DLGAP1: variants seen among roughly 807,000 people sequenced by gnomAD.
The protein encoded by DLGAP1 is DLG associated protein 1, also known as disks large-associated protein 1.
In DLGAP1, 11 loss-of-function variants were observed where a neutral mutation model predicts 90.8. That is an observed-to-expected ratio of 0.12 (90% CI 0.08 to 0.20). The LOEUF (loss-of-function observed/expected upper bound fraction) is 0.20. Among genes scored for constraint, DLGAP1 ranks in the 10% least tolerant of loss-of-function variants. The pLI, the probability that DLGAP1 is intolerant of heterozygous loss-of-function variation, is 1.00. For missense variants in DLGAP1, 1,050 were observed against 1,333.8 expected (o/e 0.79, Z 3.31); for synonymous variants, 558 against 540.7 (o/e 1.03, Z -0.44).
intron 3 of DLGAP1, among the ~76,000 whole-genome samples, chr18:4,003,350 T>C (rs1459878058): frequency 6.6e-6 from 1 of 151,214 alleles, no homozygotes; most frequent in Non-Finnish European, 1.5e-5. Flanking sequence ...ATTTAAGGGA[T>C]AGGAGAAAAG....
chr18:3,552,522 T>C (rs904458640), intron 9 of DLGAP1, among the ~76,000 whole-genome samples: 6 of 152,154 alleles, frequency 3.9e-5, no homozygotes, highest in African/African-American at 1.4e-4. Flanking sequence ...CACACTGCCA[T>C]GTAGAGGGTT....
intron 5 of DLGAP1, among the ~76,000 whole-genome samples, chr18:3,780,525 T>TTC (rs34673922): frequency 0.42 from 55,992 of 132,228 alleles, 10,677 homozygotes; most frequent in African/African-American, 0.48. Flanking sequence ...TCTGTCCAGG[T>TTC]CCCCCTCCAA....
intron 1 of DLGAP1, among the ~76,000 whole-genome samples, chr18:4,380,410 A>G (rs2082091031): frequency 6.6e-6 from 1 of 152,182 alleles, no homozygotes; most frequent in Admixed American, 6.6e-5. Flanking sequence ...CTACCAATAA[A>G]TAAAAATGGA....
At chr18:3,997,636 C>T (rs1478462135) in intron 3 of DLGAP1, among the ~76,000 whole-genome samples, 1 of 151,496 alleles carries the variant, frequency 6.6e-6, no homozygotes, top group Non-Finnish European at 1.5e-5. Context: ...CAGCACCATA[C>T]AATAGAAATA....
At position 4,109,873 on chromosome 18, in the gene DLGAP1, GTTTT is replaced by G. The variant is rs1167570247; in HGVS notation, c.-159+41303_-159+41306del. Among the ~76,000 whole-genome samples the G allele has an allele frequency of 4.6e-5, 7 of 151,852 alleles. No homozygotes were observed. In the South Asian group the frequency reaches 1.5e-3, roughly 32 times the overall value. On this transcript the variant is annotated intron_variant, in intron 2 of 12. Transcript: ENST00000315677. ...TGGGTTCGATTTTCCTTTTCTAGGT[GTTTT>G]TTTGTTTGTTTGTTTATTTGTTTTT... is the stretch of plus-strand genomic sequence containing the variant.
intron 6 of DLGAP1, among the ~76,000 whole-genome samples, chr18:3,740,154 G>T (rs1201422022): frequency 6.6e-6 from 1 of 152,156 alleles, no homozygotes; most frequent in African/African-American, 2.4e-5. Context: ...TAAATCCACT[G>T]ATGTATTCTG....
At chr18:4,035,678 G>T (rs374104020) in intron 2 of DLGAP1, among the ~76,000 whole-genome samples, 2 of 152,058 alleles carry the variant, frequency 1.3e-5, no homozygotes, top group Admixed American at 6.5e-5. Context: ...TGCCACTTAC[G>T]CACTTAAAAA....
chr18:3,936,968 T>C (rs941098542), intron 3 of DLGAP1, among the ~76,000 whole-genome samples: 4 of 152,212 alleles, frequency 2.6e-5, no homozygotes, highest in Non-Finnish European at 5.9e-5. Context: ...CCATGCTCCT[T>C]GGCTCTTATT....
At chr18:4,180,320 T>C (rs1300067177) in intron 1 of DLGAP1, among the ~76,000 whole-genome samples, 2 of 152,198 alleles carry the variant, frequency 1.3e-5, no homozygotes, top group African/African-American at 2.4e-5. Context: ...CTAACTCATC[T>C]GGGTTTGTCT....
chr18:3,547,234 G>A (rs1194313627), intron 9 of DLGAP1, among the ~76,000 whole-genome samples: 2 of 148,848 alleles, frequency 1.3e-5, no homozygotes, highest in East Asian at 2.0e-4. Context: ...CCCCGGGGGC[G>A]GAGCCTGCAG....
At chr18:3,899,558 C>T (rs1421686030) in intron 3 of DLGAP1, among the ~76,000 whole-genome samples, 3 of 152,192 alleles carry the variant, frequency 2.0e-5, no homozygotes, top group Non-Finnish European at 2.9e-5. Context: ...ATTCAAAATT[C>T]GGGCTGCTAT....
intron 4 of DLGAP1, chr18:3,874,419 T>C (rs568167889): frequency 4.2e-6 from 6 of 1,439,916 alleles, no homozygotes; most frequent in Admixed American, 2.8e-5. Flanking sequence ...AGGTTAACAG[T>C]TGGAAATCTA....
intron 7 of DLGAP1, among the ~76,000 whole-genome samples, chr18:3,701,866 G>A: frequency 6.6e-6 from 1 of 152,192 alleles, no homozygotes; most frequent in East Asian, 1.9e-4. Context: ...AGAGTCAAGA[G>A]TGAGAAGAGT....
At chr18:3,578,336 T>C (rs935690838) in intron 8 of DLGAP1, among the ~76,000 whole-genome samples, 1 of 152,078 alleles carries the variant, frequency 6.6e-6, no homozygotes, top group Non-Finnish European at 1.5e-5. Flanking sequence ...TATAACGAAA[T>C]TCAATGAATA....
At chr18:3,534,669 C>T in intron 9 of DLGAP1, 54 bp from the exon 10 acceptor site, 1 of 1,350,024 alleles carries the variant, frequency 7.4e-7, no homozygotes, top group Non-Finnish European at 9.8e-7. Flanking sequence ...TTCTTTCCTT[C>T]CTTCCTTCCT....
intron 1 of DLGAP1, among the ~76,000 whole-genome samples, chr18:4,449,848 A>C (rs902126104): frequency 6.6e-6 from 1 of 152,114 alleles, no homozygotes; most frequent in Non-Finnish European, 1.5e-5. Context: ...TTCCAAGGAG[A>C]GGGGGAAAGA....
At chr18:3,889,133 A>C (rs1269634337) in intron 3 of DLGAP1, among the ~76,000 whole-genome samples, 1 of 152,176 alleles carries the variant, frequency 6.6e-6, no homozygotes, top group Non-Finnish European at 1.5e-5. Flanking sequence ...GTTGGGAAAA[A>C]CTTGCAAACT....
chr18:4,155,382 T>C (rs1340390236), intron 1 of DLGAP1, among the ~76,000 whole-genome samples: 2 of 152,192 alleles, frequency 1.3e-5, no homozygotes, highest in Non-Finnish European at 2.9e-5. Flanking sequence ...ATATGTGGAT[T>C]TGCCCACCCT....
chr18:4,045,430 T>A (rs941926540), intron 2 of DLGAP1, among the ~76,000 whole-genome samples: 3 of 16,594 alleles, frequency 1.8e-4, no homozygotes, highest in East Asian at 3.4e-3. Context: ...ACCCCATCTC[T>A]ACAAAAAAAA....
Sources: gnomAD v4.1 joint callset for allele counts (sites outside exome capture counted in the v4.1 genomes callset) on GRCh38, gnomAD v4.1.1 for gene constraint, MANE v1.5 for transcripts, NCBI Gene and HGNC (gene_info 2026-07-23, HGNC 2026-07-21) for gene names.